CCDC149: variants seen among roughly 807,000 people sequenced by gnomAD.
CCDC149 encodes the protein coiled-coil domain containing 149.
Under a neutral mutation model 59.9 loss-of-function variants are expected in CCDC149, and 45 were observed. The ratio of observed to expected loss-of-function variants is 0.75; its 90% CI spans 0.59 to 0.96. The LOEUF is 0.96. Ranked by LOEUF, CCDC149 falls within the 40% of genes least tolerant of loss-of-function variation. The pLI is 0.00. For missense variants in CCDC149, 584 were observed against 664.7 expected, an observed-to-expected ratio of 0.88 and a Z score of 1.33; for synonymous variants, 245 against 260.6, an observed-to-expected ratio of 0.94 and a Z score of 0.58.
chr4:24,830,432 A>G (rs1421920810), intron 9 of CCDC149: 1 of 152,240 alleles, frequency 6.6e-6, no homozygotes, highest in East Asian at 1.9e-4. Flanking sequence ...TCCCTTCGAG[A>G]TTGCCCTGCT....
intron 1 of CCDC149, among the ~76,000 whole-genome samples, chr4:24,880,853 C>T (rs924075921): frequency 3.3e-5 from 5 of 152,192 alleles, no homozygotes; most frequent in Non-Finnish European, 5.9e-5. Flanking sequence ...ACCAAAAGAA[C>T]GCACACTCCC....
At position 24,808,273 on chromosome 4, in the gene CCDC149, A is replaced by G; in HGVS notation, c.*116T>C. The G allele has an allele frequency of 1.1e-6, 1 of 918,492 alleles. No individual in the cohort carries two copies. The highest frequency in any genetic ancestry group is 3.6e-5 in the Admixed American group (1 of 28,074). The allele number at this position is 918,492 out of a possible 1,614,324, so 56.9% of individuals were successfully genotyped here. A position where few individuals can be genotyped will look rare whatever the true frequency, so the allele number is the denominator to read the frequency against. ...TGCAACAGGATCAGTGCGTTTTCTC[A>G]CTTGCAGACTCGGAGGTATTTCAGG... On this transcript the variant is annotated 3_prime_UTR_variant, in exon 13 of 13. Coordinates refer to ENST00000635206, the MANE Select transcript of CCDC149 (RefSeq NM_001330643.2).
At chr4:24,958,231 T>C (rs968869674) in intron 1 of CCDC149, among the ~76,000 whole-genome samples, 1 of 152,224 alleles carries the variant, frequency 6.6e-6, no homozygotes, top group Admixed American at 6.5e-5. Flanking sequence ...GTAGCGTACC[T>C]TGAAGAGTCC....
chr4:24,926,461 C>A (rs977445872), intron 1 of CCDC149, among the ~76,000 whole-genome samples: 6 of 152,230 alleles, frequency 3.9e-5, no homozygotes, highest in Non-Finnish European at 7.3e-5. Context: ...CCCCTTGAGG[C>A]CCTTCCAGCT....
chr4:24,962,968 A>T (rs1465595160), intron 1 of CCDC149, among the ~76,000 whole-genome samples: 1 of 151,792 alleles, frequency 6.6e-6, no homozygotes, highest in East Asian at 1.9e-4. Flanking sequence ...TTGTATACCT[A>T]TAAAAACTTA....
At chr4:24,965,666 C>T (rs60902331) in intron 1 of CCDC149, among the ~76,000 whole-genome samples, 4,338 of 152,268 alleles carry the variant, frequency 0.028, 143 homozygotes, top group African/African-American at 0.08. Context: ...ACACTAAACA[C>T]GTACTTTAGA....
chr4:24,939,273 C>T (rs181787818), intron 1 of CCDC149, among the ~76,000 whole-genome samples: 3,446 of 152,288 alleles, frequency 0.023, 144 homozygotes, highest in African/African-American at 0.079. Context: ...TGCTGATACC[C>T]AGGCAAACAG....
At chr4:24,970,643 G>A (rs1723939683) in intron 1 of CCDC149, among the ~76,000 whole-genome samples, 1 of 152,086 alleles carries the variant, frequency 6.6e-6, no homozygotes, top group South Asian at 2.1e-4. Flanking sequence ...CCAACATCAC[G>A]CCCTAATGGA....
At chr4:24,872,052 G>T (rs1230884715) in intron 3 of CCDC149, among the ~76,000 whole-genome samples, 1 of 152,182 alleles carries the variant, frequency 6.6e-6, no homozygotes, top group East Asian at 1.9e-4. Flanking sequence ...CTCTGAAAAG[G>T]AAGAGCAAAG....
At chr4:24,811,942 A>C (rs559189474) in intron 12 of CCDC149, among the ~76,000 whole-genome samples, 1 of 151,970 alleles carries the variant, frequency 6.6e-6, no homozygotes, top group Non-Finnish European at 1.5e-5. Flanking sequence ...CTGGGGCAGA[A>C]TCCATTTTCC....
At chr4:24,819,074 T>C (rs1397751112) in intron 12 of CCDC149, among the ~76,000 whole-genome samples, 2 of 152,240 alleles carry the variant, frequency 1.3e-5, no homozygotes, top group African/African-American at 4.8e-5. Context: ...TATGGGTCTT[T>C]GATCCCTTCC....
Position 24,841,726 on chromosome 4 carries a change from G to A in CCDC149, c.373-3454C>T, listed in dbSNP as rs552883621. On this transcript the variant is annotated intron_variant, in intron 4 of 12. Coordinates refer to ENST00000635206, the MANE Select transcript of CCDC149 (RefSeq NM_001330643.2). Reference sequence around the variant, plus strand: ...TGCATCCTGGCCCCACAGTCTGTGAGCTGTGCAACCTCAGGACTTGTCTGA... The same window carrying A: ...TGCATCCTGGCCCCACAGTCTGTGAACTGTGCAACCTCAGGACTTGTCTGA... Among the ~76,000 whole-genome samples the A allele has an allele frequency of 1.2e-4, 18 of 152,372 alleles. No homozygotes were observed. In the East Asian group the frequency reaches 3.3e-3, roughly 28 times the overall value.
intron 1 of CCDC149, among the ~76,000 whole-genome samples, chr4:24,910,144 C>A (rs965151254): frequency 6.6e-6 from 1 of 152,162 alleles, no homozygotes; most frequent in Admixed American, 6.5e-5. Context: ...CTTCTGGGAG[C>A]TGCCAGCGAC....
chr4:24,979,719 G>C (rs1293263631), intron 1 of CCDC149, among the ~76,000 whole-genome samples: 2 of 152,194 alleles, frequency 1.3e-5, no homozygotes, highest in Non-Finnish European at 2.9e-5. Flanking sequence ...GAAAGAAAAG[G>C]AGGAGTTGCA....
chr4:24,860,024 CA>C (rs1241280914), intron 3 of CCDC149, among the ~76,000 whole-genome samples: 2 of 152,098 alleles, frequency 1.3e-5, no homozygotes, highest in Non-Finnish European at 2.9e-5. Flanking sequence ...CTGCCAAAAG[CA>C]ATCTATAAAT....
intron 1 of CCDC149, among the ~76,000 whole-genome samples, chr4:24,885,540 C>A (rs575050061): frequency 6.6e-6 from 1 of 152,344 alleles, no homozygotes; most frequent in African/African-American, 2.4e-5. Context: ...TGGTTTCAGC[C>A]TCCGCCGTGA....
downstream of CCDC149, chr4:24,806,074 A>G (rs1178361677): frequency 6.6e-6 from 1 of 152,196 alleles, no homozygotes. Flanking sequence ...GAATGCCACA[A>G]CCTTAAACTT....
At chr4:24,819,603 G>A (rs1202913942) in intron 12 of CCDC149, among the ~76,000 whole-genome samples, 2 of 152,184 alleles carry the variant, frequency 1.3e-5, no homozygotes, top group East Asian at 3.9e-4. Context: ...TTACAGGTGT[G>A]AGCCACTGCA....
chr4:24,882,154 G>A (rs373529147), intron 1 of CCDC149, among the ~76,000 whole-genome samples: 74 of 152,264 alleles, frequency 4.9e-4, no homozygotes, highest in African/African-American at 1.7e-3. Context: ...TCTAAAACTA[G>A]TGGGTCTGCC....
Sources: gnomAD v4.1 joint callset for allele counts (sites outside exome capture counted in the v4.1 genomes callset) on GRCh38, gnomAD v4.1.1 for gene constraint, MANE v1.5 for transcripts, NCBI Gene and HGNC (gene_info 2026-07-23, HGNC 2026-07-21) for gene names.